The following ROCK2 variants were observed in gnomAD, a reference collection of about 807,000 sequenced individuals.
The protein encoded by ROCK2 is Rho associated coiled-coil containing protein kinase 2.
A neutral mutation model predicts 195.1 loss-of-function variants in ROCK2; 61 were observed. The observed-to-expected ratio is 0.31, with a 90% CI of 0.25 to 0.39. ROCK2 has a LOEUF of 0.39. ROCK2 is among the 10% of genes least tolerant of loss of function. ROCK2 has a pLI of 1.00. For missense variants in ROCK2, 1,109 were observed against 1,637.4 expected, an observed-to-expected ratio of 0.68 and a Z score of 5.57; for synonymous variants, 504 against 545.5, an observed-to-expected ratio of 0.92 and a Z score of 1.06.
intron 3 of ROCK2, among the ~76,000 whole-genome samples, chr2:11,284,448 T>C (rs2148189685): frequency 6.6e-6 from 1 of 152,298 alleles, no homozygotes; most frequent in South Asian, 2.1e-4. Flanking sequence ...AAATGTACTC[T>C]AATGAGGGAT....
intron 1 of ROCK2, among the ~76,000 whole-genome samples, chr2:11,325,963 G>C (rs2084577): frequency 0.81 from 123,060 of 152,162 alleles, 51,354 homozygotes; most frequent in East Asian, 0.99. Flanking sequence ...TGGCCTGATC[G>C]AAGCTAAATG....
At chr2:11,301,330 C>T (rs776884613) in intron 1 of ROCK2, among the ~76,000 whole-genome samples, 2 of 151,824 alleles carry the variant, frequency 1.3e-5, no homozygotes, top group Non-Finnish European at 2.9e-5. Flanking sequence ...TCATAAATTC[C>T]TTAAAGGTAA....
intron 1 of ROCK2, among the ~76,000 whole-genome samples, chr2:11,334,231 G>A (rs887810258): frequency 6.6e-6 from 1 of 152,116 alleles, no homozygotes; most frequent in Non-Finnish European, 1.5e-5. Context: ...TAAAAAAAGA[G>A]GCCAGGCGCA....
At chr2:11,254,124 C>A (rs968082829) in intron 3 of ROCK2, among the ~76,000 whole-genome samples, 1 of 152,166 alleles carries the variant, frequency 6.6e-6, no homozygotes, top group Non-Finnish European at 1.5e-5. Flanking sequence ...TACTCAGAAT[C>A]ATGCACTTCT....
chr2:11,242,230 C>A (rs1476491496), intron 4 of ROCK2, among the ~76,000 whole-genome samples: 2 of 152,152 alleles, frequency 1.3e-5, no homozygotes, highest in Non-Finnish European at 1.5e-5. Context: ...AGAAAGGTAA[C>A]ATAGCACAAT....
intron 4 of ROCK2, among the ~76,000 whole-genome samples, chr2:11,238,836 G>T (rs1464290268): frequency 4.6e-5 from 7 of 152,150 alleles, no homozygotes; most frequent in African/African-American, 1.7e-4. Flanking sequence ...AACACAGTGA[G>T]ATATGAGTAC....
At chr2:11,227,542 A>G in intron 5 of ROCK2, 144 bp from the exon 6 acceptor site, 1 of 643,664 alleles carries the variant, frequency 1.6e-6, no homozygotes. Flanking sequence ...ACTTCAGGAT[A>G]CAGAGAATAA....
At chr2:11,210,090 A>G (rs1425646958) in intron 18 of ROCK2, among the ~76,000 whole-genome samples, 2 of 152,230 alleles carry the variant, frequency 1.3e-5, no homozygotes, top group African/African-American at 4.8e-5. Context: ...ATTTGAAACC[A>G]TCTATAATAT....
chr2:11,222,909 C>T lies in ROCK2; in HGVS notation c.1008-735G>A, dbSNP rs183943840. On this transcript the variant is annotated intron_variant, in intron 7 of 32. Transcript: ENST00000315872. ...CTATAATCATTCCTTAGATTGCACACCCCTGCCCCATGACTACTAATTCAA... is the reference window on the plus strand; with the variant it reads ...CTATAATCATTCCTTAGATTGCACATCCCTGCCCCATGACTACTAATTCAA... Among the ~76,000 whole-genome samples the T allele has an allele frequency of 1.1e-4, 16 of 152,204 alleles. No homozygotes were observed. In the East Asian group the frequency reaches 3.1e-3, roughly 29 times the overall value.
At chr2:11,255,036 T>G (rs1665974531) in intron 3 of ROCK2, among the ~76,000 whole-genome samples, 1 of 151,684 alleles carries the variant, frequency 6.6e-6, no homozygotes, top group African/African-American at 2.4e-5. Flanking sequence ...GCTAACACGG[T>G]GAAACCCCGT....
chr2:11,325,305 G>C (rs1558394971), intron 1 of ROCK2, among the ~76,000 whole-genome samples: 1 of 152,184 alleles, frequency 6.6e-6, no homozygotes, highest in African/African-American at 2.4e-5. Context: ...GTATCCACAG[G>C]GGTCTTGGGG....
chr2:11,311,949 C>A (rs1668049434), intron 1 of ROCK2, among the ~76,000 whole-genome samples: 1 of 152,136 alleles, frequency 6.6e-6, no homozygotes, highest in South Asian at 2.1e-4. Context: ...CAAATATGTA[C>A]AATGATGATT....
chr2:11,319,479 A>C (rs148994101), intron 1 of ROCK2, among the ~76,000 whole-genome samples: 11,532 of 152,190 alleles, frequency 0.076, 651 homozygotes, highest in African/African-American at 0.16. Context: ...GAAGTTGCTT[A>C]TCAGCTTAAG....
chr2:11,185,996 T>G (rs951408986), intron 32 of ROCK2, among the ~76,000 whole-genome samples: 4 of 152,164 alleles, frequency 2.6e-5, no homozygotes, highest in Admixed American at 6.5e-5. Flanking sequence ...GGCCCAAATA[T>G]TTGCATTTTC....
At chr2:11,186,423 TG>T (rs1663202190) in intron 32 of ROCK2, among the ~76,000 whole-genome samples, 1 of 152,228 alleles carries the variant, frequency 6.6e-6, no homozygotes, top group Non-Finnish European at 1.5e-5. Context: ...TAGATGCGAC[TG>T]TAGTGTATGA....
chr2:11,339,739 AACAATATTGTTTAGAGAT>A (rs1035379082), intron 1 of ROCK2, among the ~76,000 whole-genome samples: 9 of 152,178 alleles, frequency 5.9e-5, no homozygotes, highest in Non-Finnish European at 1.3e-4. Flanking sequence ...AGTAAAACTA[AACAATATTGTTTAGAGAT>A]ACACACAAAT....
intron 1 of ROCK2, among the ~76,000 whole-genome samples, chr2:11,298,916 T>C (rs1292081967): frequency 6.6e-6 from 1 of 152,158 alleles, no homozygotes. Flanking sequence ...ACTATAGTTA[T>C]TATAAATATG....
chr2:11,331,700 G>A (rs997493106), intron 1 of ROCK2, among the ~76,000 whole-genome samples: 1 of 152,200 alleles, frequency 6.6e-6, no homozygotes, highest in African/African-American at 2.4e-5. Flanking sequence ...GCCAAGGCGG[G>A]TGGATCACGA....
intron 1 of ROCK2, among the ~76,000 whole-genome samples, chr2:11,326,905 AG>A (rs779424663): frequency 6.6e-6 from 1 of 152,184 alleles, no homozygotes; most frequent in Non-Finnish European, 1.5e-5. Flanking sequence ...TTTCCCATGA[AG>A]GGGGGAGACC....
Sources: allele counts gnomAD v4.1 joint callset (sites outside exome capture counted in the v4.1 genomes callset), GRCh38; gene constraint gnomAD v4.1.1; transcripts MANE v1.5; gene names NCBI Gene and HGNC (gene_info 2026-07-23, HGNC 2026-07-21).